The following CA10 variants were observed in gnomAD, a reference collection of about 807,000 sequenced individuals.
CA10 encodes carbonic anhydrase 10 (inactive).
Under a neutral mutation model 44.2 loss-of-function variants are expected in CA10, and 14 were observed. The observed-to-expected ratio is 0.32, with a 90% CI of 0.21 to 0.50. CA10 has a LOEUF of 0.50. Ranked by LOEUF, CA10 falls within the 20% of genes least tolerant of loss-of-function variation. The pLI is 0.99. For missense variants in CA10, 350 were observed against 409.7 expected, an observed-to-expected ratio of 0.85 and a Z score of 1.26; for synonymous variants, 159 against 141.6, an observed-to-expected ratio of 1.12 and a Z score of -0.87.
chr17:52,052,157 G>T (rs572579092), intron 2 of CA10, among the ~76,000 whole-genome samples: 1 of 151,606 alleles, frequency 6.6e-6, no homozygotes. Flanking sequence ...AGGGAGGAGG[G>T]ATCAGGAAAA....
At chr17:51,874,600 G>A (rs1350006123) in intron 3 of CA10, among the ~76,000 whole-genome samples, 2 of 152,072 alleles carry the variant, frequency 1.3e-5, no homozygotes, top group East Asian at 3.9e-4. Context: ...TATTAACGTG[G>A]TCTATTATAT....
At chr17:51,980,005 CTTT>C (rs1984597521) in intron 2 of CA10, among the ~76,000 whole-genome samples, 1 of 152,074 alleles carries the variant, frequency 6.6e-6, no homozygotes, top group Non-Finnish European at 1.5e-5. Context: ...ATGCATGTGT[CTTT>C]ATGTTAGAAT....
chr17:52,011,284 A>G (rs1455787019), intron 2 of CA10, among the ~76,000 whole-genome samples: 3 of 152,028 alleles, frequency 2.0e-5, no homozygotes, highest in African/African-American at 4.8e-5. Context: ...CCTGGGCTTC[A>G]TAGCCCTATG....
chr17:51,662,036 G>A (rs946536821), intron 4 of CA10, among the ~76,000 whole-genome samples: 35 of 152,178 alleles, frequency 2.3e-4, no homozygotes, highest in African/African-American at 8.2e-4. Context: ...GTAGTTTTCT[G>A]ACCGCTGCTA....
chr17:51,848,298 G>GT (rs1177923858), intron 3 of CA10, among the ~76,000 whole-genome samples: 2 of 152,220 alleles, frequency 1.3e-5, no homozygotes, highest in Admixed American at 6.5e-5. Flanking sequence ...TGATTACTAA[G>GT]TTTTTTTGGT....
chr17:51,913,767 G>A (rs1279428096), intron 3 of CA10, among the ~76,000 whole-genome samples: 1 of 152,146 alleles, frequency 6.6e-6, no homozygotes, highest in African/African-American at 2.4e-5. Flanking sequence ...ACAGTGTTTG[G>A]TGGGGATGCT....
chr17:51,839,447 C>T (rs908434132), intron 3 of CA10, among the ~76,000 whole-genome samples: 7 of 131,314 alleles, frequency 5.3e-5, no homozygotes, highest in South Asian at 2.5e-4. Context: ...GAGCCCAGAT[C>T]GCACCACTGC....
chr17:52,039,490 C>G (rs949654969), intron 2 of CA10, among the ~76,000 whole-genome samples: 1 of 152,018 alleles, frequency 6.6e-6, no homozygotes, highest in African/African-American at 2.4e-5. Flanking sequence ...AGACAGATGG[C>G]TGAACCAATG....
intron 4 of CA10, among the ~76,000 whole-genome samples, chr17:51,676,175 A>C (rs1204696885): frequency 6.6e-6 from 1 of 152,314 alleles, no homozygotes; most frequent in East Asian, 1.9e-4. Flanking sequence ...CTGTACTTTT[A>C]TGTTCAACTT....
At chr17:52,139,123 C>A (rs1028091901) in intron 1 of CA10, among the ~76,000 whole-genome samples, 1 of 152,012 alleles carries the variant, frequency 6.6e-6, no homozygotes, top group African/African-American at 2.4e-5. Context: ...AAGAGAATAT[C>A]CTATGGAGGT....
intron 4 of CA10, among the ~76,000 whole-genome samples, chr17:51,698,534 A>G (rs1915477955): frequency 6.6e-6 from 1 of 152,222 alleles, no homozygotes; most frequent in African/African-American, 2.4e-5. Flanking sequence ...TAACATATCC[A>G]TCACCTCACA....
intron 3 of CA10, among the ~76,000 whole-genome samples, chr17:51,834,962 G>A (rs1908421211): frequency 6.6e-6 from 1 of 152,164 alleles, no homozygotes; most frequent in Admixed American, 6.5e-5. Context: ...CAGGAGCTGA[G>A]TTGGCCAGAT....
chr17:52,138,002 T>C (rs546826995), intron 1 of CA10, among the ~76,000 whole-genome samples: 2 of 152,228 alleles, frequency 1.3e-5, no homozygotes, highest in Non-Finnish European at 2.9e-5. Flanking sequence ...ACACATTTAG[T>C]AGCTTAAAAC....
At chr17:51,768,402 C>T (rs530661676) in intron 3 of CA10, among the ~76,000 whole-genome samples, 2 of 152,236 alleles carry the variant, frequency 1.3e-5, no homozygotes, top group South Asian at 4.2e-4. Context: ...GCCAAACATT[C>T]CTGAAGTTTC....
At chr17:51,751,412 G>T (rs567453991) in intron 3 of CA10, among the ~76,000 whole-genome samples, 180 of 152,174 alleles carry the variant, frequency 1.2e-3, no homozygotes, top group Non-Finnish European at 2.1e-3. Flanking sequence ...AAATGGTTAA[G>T]ATGGTAAATT....
At chr17:51,781,472 A>G (rs1232749247) in intron 3 of CA10, among the ~76,000 whole-genome samples, 1 of 152,234 alleles carries the variant, frequency 6.6e-6, no homozygotes, top group African/African-American at 2.4e-5. Flanking sequence ...CTATTTGGCC[A>G]TGAGTCCAGA....
intron 1 of CA10, among the ~76,000 whole-genome samples, chr17:52,133,268 G>A (rs931422006): frequency 1.2e-4 from 18 of 152,210 alleles, no homozygotes; most frequent in Non-Finnish European, 1.6e-4. Flanking sequence ...GCGCCCCAGC[G>A]GTGGGGCATC....
At chr17:52,061,074 T>G (rs1987371149) in intron 2 of CA10, among the ~76,000 whole-genome samples, 1 of 152,168 alleles carries the variant, frequency 6.6e-6, no homozygotes, top group Non-Finnish European at 1.5e-5. Flanking sequence ...AATAATGGTC[T>G]TCCCAAAATG....
chr17:52,113,332 CTCTT>C (rs1452825976), intron 1 of CA10, among the ~76,000 whole-genome samples: 1 of 152,168 alleles, frequency 6.6e-6, no homozygotes, highest in Non-Finnish European at 1.5e-5. Context: ...CTTTCTCTCT[CTCTT>C]TCACTTCCTT....
Sources: allele counts gnomAD v4.1 joint callset (sites outside exome capture counted in the v4.1 genomes callset), GRCh38; gene constraint gnomAD v4.1.1; transcripts MANE v1.5; gene names NCBI Gene and HGNC (gene_info 2026-07-23, HGNC 2026-07-21).